Variants in CCSER1 observed in about 807,000 individuals in gnomAD.
CCSER1 encodes coiled-coil serine rich protein 1, also known as serine-rich coiled-coil domain-containing protein 1.
CCSER1 carries 41 observed loss-of-function variants against 82.0 expected under a neutral mutation model. The ratio of observed to expected loss-of-function variants is 0.50; its 90% CI spans 0.39 to 0.65. CCSER1 has a LOEUF of 0.65. Among genes scored for constraint, CCSER1 ranks in the 30% least tolerant of loss-of-function variants. CCSER1 has a pLI of 0.00. For synonymous variants in CCSER1, 414 were observed against 383.9 expected, an observed-to-expected ratio of 1.08 and a Z score of -0.92; for missense variants, 1,119 against 1,064.2, an observed-to-expected ratio of 1.05 and a Z score of -0.72.
intron 10 of CCSER1, among the ~76,000 whole-genome samples, chr4:91,368,135 T>G (rs1749769409): frequency 6.6e-6 from 1 of 152,180 alleles, no homozygotes; most frequent in Admixed American, 6.5e-5. Context: ...TTTTTTTTAT[T>G]TCTGCATTTC....
At chr4:90,267,056 G>A (rs555481600) in intron 1 of CCSER1, among the ~76,000 whole-genome samples, 3 of 152,154 alleles carry the variant, frequency 2.0e-5, no homozygotes, top group Non-Finnish European at 4.4e-5. Context: ...CCAATTTTAG[G>A]CTTTGGCTTT....
At chr4:91,521,124 A>G (rs1760446159) in intron 10 of CCSER1, among the ~76,000 whole-genome samples, 1 of 152,140 alleles carries the variant, frequency 6.6e-6, no homozygotes, top group African/African-American at 2.4e-5. Context: ...TATGAGTGAG[A>G]ACATGCAGTG....
At chr4:91,208,948 C>G (rs1453138380) in intron 10 of CCSER1, among the ~76,000 whole-genome samples, 2 of 151,774 alleles carry the variant, frequency 1.3e-5, no homozygotes, top group Non-Finnish European at 2.9e-5. Context: ...TTGCTGTATT[C>G]CTAGGTATTT....
At chr4:91,066,832 C>T (rs540104957) in intron 9 of CCSER1, among the ~76,000 whole-genome samples, 1 of 152,236 alleles carries the variant, frequency 6.6e-6, no homozygotes, top group South Asian at 2.1e-4. Context: ...GTGTAAGCAG[C>T]AGGAGAAAGA....
chr4:90,518,457 G>A (rs1046901743), intron 5 of CCSER1, among the ~76,000 whole-genome samples: 6 of 151,974 alleles, frequency 3.9e-5, no homozygotes, highest in Non-Finnish European at 8.8e-5. Flanking sequence ...AACATCTTTT[G>A]TAATAGCACA....
intron 6 of CCSER1, among the ~76,000 whole-genome samples, chr4:90,652,896 T>C (rs946956557): frequency 6.6e-6 from 1 of 152,164 alleles, no homozygotes; most frequent in African/African-American, 2.4e-5. Flanking sequence ...CTGTAACTCA[T>C]TGGGAAGGTT....
intron 8 of CCSER1, among the ~76,000 whole-genome samples, chr4:90,916,202 G>A (rs916782011): frequency 1.3e-4 from 20 of 152,038 alleles, no homozygotes; most frequent in African/African-American, 3.4e-4. Flanking sequence ...AGCCCGCATT[G>A]CCAAGTCAAT....
intron 10 of CCSER1, among the ~76,000 whole-genome samples, chr4:91,099,884 C>G (rs557765242): frequency 2.0e-5 from 3 of 152,076 alleles, no homozygotes; most frequent in Non-Finnish European, 4.4e-5. Context: ...AAGGTGCAGA[C>G]TTAGTTAATC....
chr4:91,061,646 G>A (rs1743964230), intron 9 of CCSER1, among the ~76,000 whole-genome samples: 1 of 151,924 alleles, frequency 6.6e-6, no homozygotes, highest in Admixed American at 6.6e-5. Context: ...CCTCAGTTCT[G>A]ATCTAATTCA....
chr4:91,223,420 A>AGTC (rs1737908389), intron 10 of CCSER1, among the ~76,000 whole-genome samples: 1 of 152,150 alleles, frequency 6.6e-6, no homozygotes, highest in Non-Finnish European at 1.5e-5. Flanking sequence ...TCGGTTTAAA[A>AGTC]GGTACATAAG....
intron 9 of CCSER1, among the ~76,000 whole-genome samples, chr4:90,960,645 G>A (rs1581209279): frequency 2.0e-5 from 3 of 152,044 alleles, no homozygotes; most frequent in Admixed American, 6.6e-5. Flanking sequence ...GCTGACCAAT[G>A]GGCTTTCATT....
intron 5 of CCSER1, among the ~76,000 whole-genome samples, chr4:90,567,071 A>G (rs1779491003): frequency 2.0e-5 from 3 of 150,032 alleles, no homozygotes; most frequent in African/African-American, 4.9e-5. Context: ...AATTTTTTCT[A>G]TTGGCTTTCT....
chr4:91,404,460 C>G (rs1034970779), intron 10 of CCSER1, among the ~76,000 whole-genome samples: 7 of 152,094 alleles, frequency 4.6e-5, no homozygotes, highest in Non-Finnish European at 7.3e-5. Context: ...TTTGCTCTTG[C>G]TTCTCTAGTT....
Position 90,736,344 on chromosome 4 carries a change from C to T in CCSER1, c.2010+12353C>T, listed in dbSNP as rs978375139. Among the ~76,000 whole-genome samples the T allele has an allele frequency of 3.3e-5, 5 of 152,056 alleles. No homozygotes were observed. In the South Asian group the frequency reaches 1.0e-3, roughly 31 times the overall value. The stretch of plus-strand genomic sequence containing the variant: ...TATTATTGTATTGGAGTCAATCTCT[C>T]TCTTTAGCTCTAATAATATTTACTT... On this transcript the variant is annotated intron_variant, in intron 7 of 10. Coordinates refer to ENST00000509176, the MANE Select transcript of CCSER1 (RefSeq NM_001145065.2).
At chr4:90,450,152 G>A (rs558960636) in intron 4 of CCSER1, among the ~76,000 whole-genome samples, 6 of 152,184 alleles carry the variant, frequency 3.9e-5, no homozygotes, top group Non-Finnish European at 7.3e-5. Flanking sequence ...GCCTATGTAA[G>A]GGTCCCTGGT....
intron 10 of CCSER1, among the ~76,000 whole-genome samples, chr4:91,484,203 A>AAATGCTGAACAT (rs1758101991): frequency 6.6e-6 from 1 of 152,178 alleles, no homozygotes; most frequent in African/African-American, 2.4e-5. Flanking sequence ...ATTTTGAAAC[A>AAATGCTGAACAT]AACTGAAAAA....
chr4:90,447,342 A>G lies in CCSER1; in HGVS notation c.1604-20892A>G, dbSNP rs902374546. ...AATTTACTTGTGGTCTTCCTGGGGA[A>G]AAAAAAAAAAGAATGAAATTTACTA... On this transcript the variant is annotated intron_variant, in intron 4 of 10. Coordinates refer to ENST00000509176, the MANE Select transcript of CCSER1 (RefSeq NM_001145065.2). Among the ~76,000 whole-genome samples, 642 of 141,068 alleles carry G rather than the reference A, an allele frequency of 4.6e-3. 7 individuals are homozygous for G. The highest frequency in any genetic ancestry group is 0.016 in the African/African-American group (572 of 35,388). The allele number at this position is 141,068 out of a possible 152,430, so 92.5% of individuals were successfully genotyped here.
At chr4:91,103,472 C>T (rs1430850492) in intron 10 of CCSER1, among the ~76,000 whole-genome samples, 1 of 152,076 alleles carries the variant, frequency 6.6e-6, no homozygotes, top group East Asian at 1.9e-4. Context: ...TGTTGTCAAA[C>T]TATTATATAA....
chr4:91,079,929 G>A (rs1297490553), intron 9 of CCSER1, among the ~76,000 whole-genome samples: 2 of 152,124 alleles, frequency 1.3e-5, no homozygotes, highest in Non-Finnish European at 1.5e-5. Flanking sequence ...AGCCTTGAGA[G>A]ACCTAAAAAG....
Sources: gnomAD v4.1 joint callset for allele counts (sites outside exome capture counted in the v4.1 genomes callset) on GRCh38, gnomAD v4.1.1 for gene constraint, MANE v1.5 for transcripts, NCBI Gene and HGNC (gene_info 2026-07-23, HGNC 2026-07-21) for gene names.